Variants in SPECC1 observed in about 807,000 individuals in gnomAD.
The protein encoded by SPECC1 is cytospin-B.
Under a neutral mutation model 104.1 loss-of-function variants are expected in SPECC1, and 62 were observed. That is an observed-to-expected ratio of 0.60 (90% CI 0.49 to 0.74). The LOEUF (loss-of-function observed/expected upper bound fraction) is 0.74. Ranked by LOEUF, SPECC1 falls within the 30% of genes least tolerant of loss-of-function variation. SPECC1 has a pLI of 0.00. For missense variants in SPECC1, 1,306 were observed against 1,310.5 expected (o/e 1.00, Z 0.05); for synonymous variants, 513 against 501.6 (o/e 1.02, Z -0.30).
intron 9 of SPECC1, among the ~76,000 whole-genome samples, chr17:20,250,355 A>G (rs1275489072): frequency 6.6e-6 from 1 of 152,238 alleles, no homozygotes; most frequent in Non-Finnish European, 1.5e-5. Flanking sequence ...TTAAAAGACT[A>G]TTAAAATTCA....
At chr17:20,253,625 T>A in intron 10 of SPECC1, 39 bp downstream of exon 10, 1 of 1,585,646 alleles carries the variant, frequency 6.3e-7, no homozygotes, top group Non-Finnish European at 8.6e-7. Context: ...GACTTATCTT[T>A]CCGTGCAGTT....
At chr17:20,212,195 A>G (rs1308815780) in intron 4 of SPECC1, among the ~76,000 whole-genome samples, 1 of 152,288 alleles carries the variant, frequency 6.6e-6, no homozygotes, top group East Asian at 1.9e-4. Context: ...AATAATAATA[A>G]TTCAACTTTA....
intron 5 of SPECC1, 81 bp downstream of exon 5, chr17:20,227,701 G>A: frequency 1.5e-6 from 2 of 1,359,358 alleles, no homozygotes; most frequent in South Asian, 2.6e-5. Context: ...GATCACCTGA[G>A]GTCAGAAGTT....
chr17:20,108,930 C>T (rs1293479253), intron 2 of SPECC1, among the ~76,000 whole-genome samples: 4 of 152,152 alleles, frequency 2.6e-5, no homozygotes, highest in African/African-American at 9.7e-5. Context: ...GGGAAGAAAG[C>T]AAAGCAAGAG....
At chr17:20,195,305 T>G (rs540426016) in intron 3 of SPECC1, among the ~76,000 whole-genome samples, 1 of 152,268 alleles carries the variant, frequency 6.6e-6, no homozygotes, top group South Asian at 2.1e-4. Context: ...AAAGCCACAT[T>G]TGATAAGGAA....
At chr17:20,153,824 C>G (rs1171850435) in intron 3 of SPECC1, among the ~76,000 whole-genome samples, 1 of 152,226 alleles carries the variant, frequency 6.6e-6, no homozygotes, top group Non-Finnish European at 1.5e-5. Context: ...CTCTGCCTAT[C>G]ATTTTGGAAC....
At chr17:20,245,769 A>G (rs2039396200) in intron 7 of SPECC1, among the ~76,000 whole-genome samples, 157 bp from the exon 8 acceptor site, 1 of 152,188 alleles carries the variant, frequency 6.6e-6, no homozygotes, top group Non-Finnish European at 1.5e-5. Flanking sequence ...ATTATTTCCT[A>G]AAGATGCAAA....
chr17:20,314,906 G>A lies in SPECC1; in HGVS notation c.*841G>A. Reference sequence around the variant, plus strand: ...CTGTGAGAATGCAAGGGAGCCCCTGGCTGCTTTGCTGGAGTCCCTGGGAGG... The same window carrying A: ...CTGTGAGAATGCAAGGGAGCCCCTGACTGCTTTGCTGGAGTCCCTGGGAGG... On this transcript the variant is annotated 3_prime_UTR_variant, in exon 15 of 15. Coordinates refer to ENST00000395527, the MANE Select transcript of SPECC1 (RefSeq NM_001243439.2). 1 of 232,358 alleles carries A rather than the reference G, an allele frequency of 4.3e-6. No homozygotes were observed. Among genetic ancestry groups the A allele is most frequent in the Non-Finnish European group, 8.5e-6 (1 of 117,480 alleles). 14.4% of individuals were successfully genotyped at this position (232,358 alleles called of 1,614,324 possible). A position where few individuals can be genotyped will look rare whatever the true frequency, so the allele number is the denominator to read the frequency against.
chr17:20,156,065 G>T lies in SPECC1; in HGVS notation c.283+45503G>T, dbSNP rs1055197700. 29 of 1,310,800 alleles carry T rather than the reference G, an allele frequency of 2.2e-5. No homozygotes were observed. The Admixed American group carries it at 6.2e-4, about 28-fold the overall frequency. The allele number at this position is 1,310,800 out of a possible 1,614,324, so 81.2% of individuals were successfully genotyped here. ...CGGCAGCTGCTGGGAACTGGAAGGC[G>T]CCCGGTCCTTTCTTTGACTGGAGCG... On this transcript the variant is annotated intron_variant, in intron 3 of 14. Coordinates refer to ENST00000395527, the MANE Select transcript of SPECC1 (RefSeq NM_001243439.2).
chr17:20,032,557 C>A (rs1296480165), intron 1 of SPECC1, among the ~76,000 whole-genome samples: 2 of 152,058 alleles, frequency 1.3e-5, no homozygotes, highest in Non-Finnish European at 2.9e-5. Flanking sequence ...TGAACCTTCT[C>A]TAGTGAATTT....
chr17:20,249,191 A>C (rs1459198744), intron 9 of SPECC1, among the ~76,000 whole-genome samples: 3 of 152,166 alleles, frequency 2.0e-5, no homozygotes, highest in African/African-American at 7.2e-5. Flanking sequence ...AGGCCGAAGC[A>C]GGCAGATCAC....
intron 3 of SPECC1, among the ~76,000 whole-genome samples, chr17:20,127,759 G>A (rs1202398156): frequency 2.6e-5 from 4 of 151,948 alleles, no homozygotes; most frequent in Non-Finnish European, 4.4e-5. Context: ...TGTTACTTTA[G>A]TGCCTGTTGG....
chr17:20,239,699 T>C (rs1397388402), intron 7 of SPECC1, among the ~76,000 whole-genome samples: 5 of 152,094 alleles, frequency 3.3e-5, no homozygotes, highest in African/African-American at 7.2e-5. Context: ...CTAAAGTATA[T>C]GCACATTTTT....
At chr17:20,299,021 T>G (rs2041471303) in intron 13 of SPECC1, among the ~76,000 whole-genome samples, 1 of 144,656 alleles carries the variant, frequency 6.9e-6, no homozygotes. Flanking sequence ...GAGAGATTTA[T>G]TCTAAGGAAC....
chr17:20,252,137 T>G (rs1237644254), intron 9 of SPECC1, among the ~76,000 whole-genome samples: 5 of 152,184 alleles, frequency 3.3e-5, no homozygotes, highest in Admixed American at 6.5e-5. Flanking sequence ...TCATGCTTAC[T>G]TGCATTCTGA....
At chr17:20,072,719 C>T (rs1245153834) in intron 1 of SPECC1, among the ~76,000 whole-genome samples, 1 of 152,330 alleles carries the variant, frequency 6.6e-6, no homozygotes, top group East Asian at 1.9e-4. Flanking sequence ...CCCATGCCAC[C>T]TGCTATATAA....
At chr17:20,118,606 T>C (rs2048878078) in intron 3 of SPECC1, among the ~76,000 whole-genome samples, 2 of 152,202 alleles carry the variant, frequency 1.3e-5, no homozygotes, top group South Asian at 4.1e-4. Context: ...TAGAAGTATA[T>C]ATTAATTATT....
intron 7 of SPECC1, chr17:20,236,921 A>T: frequency 6.2e-7 from 1 of 1,613,476 alleles, no homozygotes; most frequent in Non-Finnish European, 8.5e-7. Flanking sequence ...AGCTCTTGCC[A>T]TGATTGGGAG....
Position 20,315,210 on chromosome 17 carries a change from T to G in SPECC1, c.*1145T>G, listed in dbSNP as rs2042024785. ...ACAGTATTTCGGCTCTGGACTGATT[T>G]GGCCTTTAGTGCTTCCCCAGGCCTC... is the stretch of plus-strand genomic sequence containing the variant. On this transcript the variant is annotated 3_prime_UTR_variant, in exon 15 of 15. Transcript: ENST00000395527. 1 of 232,628 alleles carries G rather than the reference T, an allele frequency of 4.3e-6. No homozygotes were observed. The highest frequency in any genetic ancestry group is 8.5e-6 in the Non-Finnish European group (1 of 117,744). The allele number at this position is 232,628 out of a possible 1,614,324, so 14.4% of individuals were successfully genotyped here.
Sources: allele counts gnomAD v4.1 joint callset (sites outside exome capture counted in the v4.1 genomes callset), GRCh38; gene constraint gnomAD v4.1.1; transcripts MANE v1.5; gene names NCBI Gene and HGNC (gene_info 2026-07-23, HGNC 2026-07-21).